The following CD4 variants were observed in gnomAD, a reference collection of about 807,000 sequenced individuals.
CD4 encodes T-cell surface glycoprotein CD4.
CD4 carries 25 observed loss-of-function variants against 50.5 expected under a neutral mutation model. That is an observed-to-expected ratio of 0.49 (90% CI 0.36 to 0.69). The LOEUF (loss-of-function observed/expected upper bound fraction) is 0.69. CD4 is among the 30% of genes least tolerant of loss of function. The probability of loss-of-function intolerance (pLI) is 0.00; values close to 1 mark genes in which losing one functional copy is unlikely to be tolerated. For synonymous variants in CD4, 207 were observed against 221.9 expected (o/e 0.93, Z 0.60); for missense variants, 456 against 548.5 (o/e 0.83, Z 1.68).
In CD4 at chr12:6,797,943, A is replaced by C. The variant is rs28917478; in HGVS notation, c.-67-2129A>C. ...GAATAGAGGCCTTCCTCCTTCACTA[A>C]TCCTCCTCAGCACAGACCCTTTACG... is the stretch of plus-strand genomic sequence containing the variant. On this transcript the variant is annotated intron_variant, in intron 1 of 9. Coordinates refer to ENST00000011653, the MANE Select transcript of CD4 (RefSeq NM_000616.5). Among the ~76,000 whole-genome samples the C allele has an allele frequency of 1.4e-3, 206 of 152,030 alleles. 1 individual carries two copies. Among genetic ancestry groups the C allele is most frequent in the Middle Eastern group, 0.01 (3 of 294 alleles).
chr12:6,794,359 G>T (rs1188161776), intron 1 of CD4, among the ~76,000 whole-genome samples: 7 of 143,718 alleles, frequency 4.9e-5, no homozygotes, highest in African/African-American at 1.8e-4. Flanking sequence ...GAGCCACCGT[G>T]CCTGGACATA....
chr12:6,800,514 TGGAGTGA>T, intron 3 of CD4, 43 bp downstream of exon 3: 1 of 1,546,870 alleles, frequency 6.5e-7, no homozygotes, highest in Non-Finnish European at 8.8e-7. Context: ...AAACACACTA[TGGAGTGA>T]AAGCCTTTGG....
intron 3 of CD4, among the ~76,000 whole-genome samples, chr12:6,811,491 C>CTTTT (rs11318741): frequency 3.1e-4 from 34 of 111,020 alleles, no homozygotes; most frequent in East Asian, 5.6e-4. Flanking sequence ...TTTTCTTTTT[C>CTTTT]TTTTTTTTTT....
rs1047717306 is a variant in CD4, at chr12:6,792,757, T to C, written c.-68+3095T>C. Among the ~76,000 whole-genome samples the C allele has an allele frequency of 8.6e-5, 13 of 152,046 alleles. No individual in the cohort carries two copies. The highest frequency in any genetic ancestry group is 2.7e-4 in the African/African-American group (11 of 41,372). ...CAGACCGGAAGGAGCTAGAGCTTAG[T>C]GGCAGCCTGAGAGGGGAAGCTGAAA... is the stretch of plus-strand genomic sequence containing the variant. On this transcript the variant is annotated intron_variant, in intron 1 of 9. Coordinates refer to ENST00000011653, the MANE Select transcript of CD4 (RefSeq NM_000616.5). The surrounding 1 kb of genome is among the most constrained non-coding windows in gnomAD (Gnocchi z 4.1).
chr12:6,803,990 A>G (rs926886721), intron 3 of CD4, among the ~76,000 whole-genome samples: 22 of 151,592 alleles, frequency 1.5e-4, no homozygotes, highest in Admixed American at 1.2e-3. Context: ...ACACACCTAT[A>G]GTCCCAGCTA....
At chr12:6,796,324 C>A (rs1404087267) in intron 1 of CD4, among the ~76,000 whole-genome samples, 1 of 152,180 alleles carries the variant, frequency 6.6e-6, no homozygotes, top group Admixed American at 6.5e-5. Context: ...GTAGGCAGAT[C>A]GTCACCAAGC....
intron 3 of CD4, among the ~76,000 whole-genome samples, chr12:6,800,676 A>G (rs947528231): frequency 3.2e-4 from 49 of 152,322 alleles, no homozygotes; most frequent in African/African-American, 1.2e-3. Flanking sequence ...ATATTTTAAT[A>G]TTTAATATTC....
intron 3 of CD4, among the ~76,000 whole-genome samples, chr12:6,812,122 G>A (rs1296523210): frequency 6.6e-6 from 1 of 152,136 alleles, no homozygotes; most frequent in Non-Finnish European, 1.5e-5. Flanking sequence ...CATATAGGCT[G>A]GGTGCAGTGG....
chr12:6,797,441 C>T (rs1330380912), intron 1 of CD4, among the ~76,000 whole-genome samples: 2 of 152,104 alleles, frequency 1.3e-5, no homozygotes, highest in Non-Finnish European at 2.9e-5. Context: ...GGGTATTTCT[C>T]GCAAGGTGGA....
intron 1 of CD4, among the ~76,000 whole-genome samples, chr12:6,789,885 A>T (rs145569196): frequency 8.5e-5 from 13 of 152,350 alleles, no homozygotes; most frequent in African/African-American, 2.9e-4. Context: ...CAGCGTGCAC[A>T]GCTCAGTGTC....
chr12:6,814,685 T>C lies in CD4; in HGVS notation c.374-74T>C, dbSNP rs781890524. 2.8e-6 allele frequency: 3 copies of C among 1,082,956 alleles called. No individual in the cohort carries two copies. The East Asian group carries it at 7.1e-5, about 26-fold the overall frequency. The allele number at this position is 1,082,956 out of a possible 1,614,324, so 67.1% of individuals were successfully genotyped here. A position where few individuals can be genotyped will look rare whatever the true frequency, so the allele number is the denominator to read the frequency against. The stretch of plus-strand genomic sequence containing the variant: ...TGGGACGGCGATAATGGAGAGATGT[T>C]GTTGGTTTCCTGTTGTCTGCCCTTC... On this transcript the variant is annotated intron_variant, in intron 4 of 9. Coordinates refer to ENST00000011653, the MANE Select transcript of CD4 (RefSeq NM_000616.5).
At chr12:6,795,283 T>C (rs1437197118) in intron 1 of CD4, among the ~76,000 whole-genome samples, 3 of 147,038 alleles carry the variant, frequency 2.0e-5, no homozygotes, top group African/African-American at 7.3e-5. Context: ...CTATTTTATC[T>C]ATCTATCTAT....
intron 1 of CD4, among the ~76,000 whole-genome samples, chr12:6,793,237 G>T (rs1370270033): frequency 6.6e-6 from 1 of 152,158 alleles, no homozygotes; most frequent in Admixed American, 6.5e-5. Flanking sequence ...GCAGGGAGGT[G>T]GCTGTCTGCA....
At chr12:6,799,396 T>C (rs1281704895) in intron 1 of CD4, 1 of 152,194 alleles carries the variant, frequency 6.6e-6, no homozygotes, top group East Asian at 1.9e-4. Flanking sequence ...CCTCTGTGTG[T>C]TTACGTGTCA....
chr12:6,817,054 TC>T, intron 6 of CD4, 75 bp from the exon 7 acceptor site: 2 of 1,277,394 alleles, frequency 1.6e-6, no homozygotes, highest in Non-Finnish European at 2.2e-6. Context: ...TAAAAGAAGG[TC>T]ACCCATATAG....
intron 7 of CD4, among the ~76,000 whole-genome samples, chr12:6,817,560 T>A (rs1168750454): frequency 6.6e-6 from 1 of 152,012 alleles, no homozygotes; most frequent in Non-Finnish European, 1.5e-5. Context: ...TTCTACAAGT[T>A]CCCACTCCCT....
chr12:6,818,079 T>C lies in CD4; in HGVS notation c.1157-342T>C, dbSNP rs1172089887. ...GCACACACGCACACACATTCACACA[T>C]GGACTCACACGCGCACACGCGCGCA... On this transcript the variant is annotated intron_variant, in intron 7 of 9. Transcript: ENST00000011653. This position sits in a 1 kb window ranked among gnomAD's most constrained non-coding sequence, Gnocchi z 5.0. Among the ~76,000 whole-genome samples the C allele has an allele frequency of 8.3e-6, 1 of 121,140 alleles. No individual in the cohort carries two copies. The highest frequency in any genetic ancestry group is 3.3e-4 in the East Asian group (1 of 3,054). The allele number at this position is 121,140 out of a possible 152,430, so 79.5% of individuals were successfully genotyped here.
intron 3 of CD4, among the ~76,000 whole-genome samples, chr12:6,812,362 G>A (rs1040621570): frequency 2.6e-5 from 4 of 151,978 alleles, no homozygotes; most frequent in African/African-American, 4.8e-5. Flanking sequence ...TCGAACACTC[G>A]ACTCCATAAA....
In CD4 at chr12:6,818,808, C is replaced by A; in HGVS notation, c.1279-39C>A. The A allele has an allele frequency of 6.3e-7, 1 of 1,581,846 alleles. No homozygotes were observed. ...CCAAGGGGCACCTCCCTTCTGGAGG[C>A]CTGGGACCCTCGTGACTCCCTTTCT... On this transcript the variant is annotated intron_variant, in intron 8 of 9. Transcript: ENST00000011653. The surrounding 1 kb of genome is among the most constrained non-coding windows in gnomAD (Gnocchi z 5.0).
Sources: gnomAD v4.1 joint callset for allele counts (sites outside exome capture counted in the v4.1 genomes callset) on GRCh38, gnomAD v4.1.1 for gene constraint, Gnocchi (gnomAD v3.1) non-coding constraint, MANE v1.5 for transcripts, NCBI Gene and HGNC (gene_info 2026-07-23, HGNC 2026-07-21) for gene names.